The following AGBL3 variants were observed in gnomAD, a reference collection of about 807,000 sequenced individuals.
The protein encoded by AGBL3 is AGBL carboxypeptidase 3.
AGBL3 carries 68 observed loss-of-function variants against 94.5 expected under a neutral mutation model. That is an observed-to-expected ratio of 0.72 (90% confidence interval 0.59 to 0.88). AGBL3 has a LOEUF of 0.88. AGBL3 is among the 40% of genes least tolerant of loss of function. AGBL3 has a pLI of 0.00. For missense variants in AGBL3, 934 were observed against 1,103.8 expected, an observed-to-expected ratio of 0.85 and a Z score of 2.18; for synonymous variants, 354 against 370.7, an observed-to-expected ratio of 0.95 and a Z score of 0.52.
intron 5 of AGBL3, among the ~76,000 whole-genome samples, chr7:135,021,394 CCA>C (rs1814437603): frequency 6.6e-6 from 1 of 151,746 alleles, no homozygotes; most frequent in Admixed American, 6.6e-5. Context: ...CAGGTTCATG[CCA>C]TTCTCCTGCC....
chr7:135,051,234 A>C (rs1198640527), intron 11 of AGBL3: 1 of 203,268 alleles, frequency 4.9e-6, no homozygotes, highest in South Asian at 7.0e-5. Context: ...GTCTTGAGTT[A>C]GTGCCCCTGC....
intron 16 of AGBL3, among the ~76,000 whole-genome samples, chr7:135,124,411 A>T (rs1282877742): frequency 6.6e-6 from 1 of 152,180 alleles, no homozygotes; most frequent in East Asian, 1.9e-4. Flanking sequence ...GTTCTTAGAG[A>T]CCCAAAAAGA....
rs558175742 is a variant in AGBL3, at chr7:135,109,162, A to G, written c.2111-6218A>G. On this transcript the variant is annotated intron_variant, in intron 15 of 16. Coordinates refer to ENST00000436302, the MANE Select transcript of AGBL3 (RefSeq NM_178563.4). ...TGAATTTTGATGATCTTTCCTATCCATATTCTGAATTCTATTTCTGTCATT... is the reference window on the plus strand; with the variant it reads ...TGAATTTTGATGATCTTTCCTATCCGTATTCTGAATTCTATTTCTGTCATT... 8.6e-4 allele frequency among the ~76,000 whole-genome samples: 131 copies of G among 152,272 alleles called. No individual in the cohort carries two copies. The South Asian group carries it at 9.5e-3, about 11-fold the overall frequency.
intron 5 of AGBL3, among the ~76,000 whole-genome samples, chr7:135,021,630 T>C (rs1814482483): frequency 6.6e-6 from 1 of 150,654 alleles, no homozygotes; most frequent in Non-Finnish European, 1.5e-5. Context: ...TTTTTTTAAT[T>C]TTGGAAGATA....
rs1397829860 is a variant in AGBL3 at position 135,135,307 on chromosome 7, T to C, written c.*46T>C. 1.4e-6 allele frequency: 2 copies of C among 1,407,970 alleles called. No homozygotes were observed. The highest frequency in any genetic ancestry group is 1.9e-6 in the Non-Finnish European group (2 of 1,067,538). The allele number at this position is 1,407,970 out of a possible 1,614,324, so 87.2% of individuals were successfully genotyped here. ...AGAACTGTGAATGAAGGATAACATA[T>C]GCTTATGTAGTAAAAAGAAAAAAAG... is the stretch of plus-strand genomic sequence containing the variant. On this transcript the variant is annotated 3_prime_UTR_variant, in exon 17 of 17. Transcript: ENST00000436302.
chr7:135,131,014 C>T (rs1828681358), intron 16 of AGBL3, among the ~76,000 whole-genome samples: 1 of 151,972 alleles, frequency 6.6e-6, no homozygotes, highest in South Asian at 2.1e-4. Context: ...TGAAGAATTG[C>T]TTTTAACTGT....
intron 4 of AGBL3, among the ~76,000 whole-genome samples, chr7:135,008,932 A>G (rs1563178352): frequency 6.6e-6 from 1 of 152,212 alleles, no homozygotes; most frequent in Non-Finnish European, 1.5e-5. Context: ...CCACAATAAG[A>G]TACCTCTTTA....
At chr7:135,105,392 C>T (rs1251304899) in intron 15 of AGBL3, among the ~76,000 whole-genome samples, 2 of 152,160 alleles carry the variant, frequency 1.3e-5, no homozygotes, top group Non-Finnish European at 2.9e-5. Context: ...TTTAATCCAT[C>T]TTGAGTTGAT....
chr7:135,107,014 G>C lies in AGBL3; in HGVS notation c.2111-8366G>C, dbSNP rs148297653. On this transcript the variant is annotated intron_variant, in intron 15 of 16. Coordinates refer to ENST00000436302, the MANE Select transcript of AGBL3 (RefSeq NM_178563.4). ...GTTTGTGTGCATAGACATGTTCATAGTAGTCTCTGATTATTGTTTTACTGT... is the reference window on the plus strand; with the variant it reads ...GTTTGTGTGCATAGACATGTTCATACTAGTCTCTGATTATTGTTTTACTGT... Among the ~76,000 whole-genome samples, 696 of 152,218 alleles carry C rather than the reference G, an allele frequency of 4.6e-3. 3 individuals are homozygous for C. Among genetic ancestry groups the C allele is most frequent in the African/African-American group, 0.016 (665 of 41,534 alleles).
chr7:135,068,340 A>G (rs1819556807), intron 12 of AGBL3, among the ~76,000 whole-genome samples: 1 of 152,200 alleles, frequency 6.6e-6, no homozygotes, highest in Non-Finnish European at 1.5e-5. Context: ...AACTTCCCCA[A>G]TCTAGCAAGG....
intron 15 of AGBL3, among the ~76,000 whole-genome samples, chr7:135,105,513 G>C (rs1166040557): frequency 6.6e-6 from 1 of 152,180 alleles, no homozygotes. Context: ...GCTTGTTTTT[G>C]TCAGATTTGT....
intron 15 of AGBL3, among the ~76,000 whole-genome samples, chr7:135,082,050 C>T (rs1425062640): frequency 6.6e-6 from 1 of 152,146 alleles, no homozygotes; most frequent in Non-Finnish European, 1.5e-5. Flanking sequence ...ATGACAGGCC[C>T]CAGGCTCATC....
chr7:135,080,692 C>T (rs554707818), intron 14 of AGBL3, among the ~76,000 whole-genome samples: 20 of 150,342 alleles, frequency 1.3e-4, no homozygotes, highest in Admixed American at 1.3e-4. Context: ...TTGGCTTCTA[C>T]TGCAACCTGC....
At chr7:135,037,869 G>A (rs538674439) in intron 8 of AGBL3, among the ~76,000 whole-genome samples, 3 of 152,032 alleles carry the variant, frequency 2.0e-5, no homozygotes, top group Admixed American at 2.0e-4. Context: ...ATCAATTTTA[G>A]GGGTTTTTTT....
At chr7:135,034,058 C>A in intron 6 of AGBL3, 91 bp from the exon 7 acceptor site, 3 of 1,125,622 alleles carry the variant, frequency 2.7e-6, no homozygotes, top group South Asian at 2.4e-5. Context: ...AATAATTTTC[C>A]TTATTTAACT....
intron 5 of AGBL3, 96 bp from the exon 6 acceptor site, chr7:135,032,748 A>G: frequency 8.6e-7 from 1 of 1,161,930 alleles, no homozygotes; most frequent in East Asian, 3.0e-5. Flanking sequence ...AAAATTTACA[A>G]TCCTTACACT....
At chr7:135,052,851 T>A (rs1355743017) in intron 11 of AGBL3, among the ~76,000 whole-genome samples, 5 of 152,182 alleles carry the variant, frequency 3.3e-5, no homozygotes, top group Admixed American at 2.0e-4. Context: ...CAGGAATTTA[T>A]GGTAAATTGG....
chr7:134,991,204 G>GGC lies in AGBL3; in HGVS notation c.124+1895_124+1896insCG, dbSNP rs142916775. 3.6e-3 allele frequency among the ~76,000 whole-genome samples: 414 copies of GGC among 116,540 alleles called. 8 individuals are homozygous for GGC. Among genetic ancestry groups the GGC allele is most frequent in the Non-Finnish European group, 5.7e-3 (335 of 58,454 alleles). 76.5% of individuals were successfully genotyped at this position (116,540 alleles called of 152,430 possible). A position where few individuals can be genotyped will look rare whatever the true frequency, so the allele number is the denominator to read the frequency against. ...AGCTGAGACATTTGTGTGTGGGTGG[G>GGC]GGGGGGGTTGGTTAAAATTTCAGTT... On this transcript the variant is annotated intron_variant, in intron 3 of 16. Transcript: ENST00000436302.
chr7:135,015,108 C>G (rs1297709220), intron 4 of AGBL3, among the ~76,000 whole-genome samples: 1 of 152,108 alleles, frequency 6.6e-6, no homozygotes, highest in African/African-American at 2.4e-5. Context: ...CACTGAATAA[C>G]AAGTCAAGAA....
Sources: allele counts gnomAD v4.1 joint callset (sites outside exome capture counted in the v4.1 genomes callset), GRCh38; gene constraint gnomAD v4.1.1; transcripts MANE v1.5; gene names NCBI Gene and HGNC (gene_info 2026-07-23, HGNC 2026-07-21).